The following DAAM2 variants were observed in gnomAD, a reference collection of about 807,000 sequenced individuals.
DAAM2 encodes the protein disheveled-associated activator of morphogenesis 2.
A neutral mutation model predicts 120.7 loss-of-function variants in DAAM2; 39 were observed. The observed-to-expected ratio is 0.32, with a 90% CI of 0.25 to 0.42. The LOEUF (loss-of-function observed/expected upper bound fraction) is 0.42. Among genes scored for constraint, DAAM2 ranks in the 10% least tolerant of loss-of-function variants. The pLI, the probability that DAAM2 is intolerant of heterozygous loss-of-function variation, is 1.00. For missense variants in DAAM2, 1,283 were observed against 1,401.7 expected (o/e 0.92, Z 1.35); for synonymous variants, 488 against 524.9 (o/e 0.93, Z 0.96).
chr6:39,824,750 G>T (rs183617422), intron 1 of DAAM2, among the ~76,000 whole-genome samples: 2 of 152,174 alleles, frequency 1.3e-5, no homozygotes, highest in South Asian at 4.1e-4. Flanking sequence ...GCAAGAGCAG[G>T]TTCCGCGGAA....
intron 7 of DAAM2, among the ~76,000 whole-genome samples, chr6:39,869,571 C>G (rs1357471532): frequency 6.6e-6 from 1 of 151,880 alleles, no homozygotes; most frequent in African/African-American, 2.4e-5. Context: ...GCCTAGGGGA[C>G]AAGAGCAAAA....
chr6:39,900,354 ACAAGCAATGATAACCACATACCG>A, intron 23 of DAAM2, 146 bp downstream of exon 23: 1 of 888,816 alleles, frequency 1.1e-6, no homozygotes, highest in Non-Finnish European at 1.7e-6. Flanking sequence ...TCTTAACAAG[ACAAGCAATGATAACCACATACCG>A]CAAAGATCAT....
At chr6:39,870,902 C>T (rs1321323891) in intron 8 of DAAM2, among the ~76,000 whole-genome samples, 1 of 152,124 alleles carries the variant, frequency 6.6e-6, no homozygotes, top group Non-Finnish European at 1.5e-5. Context: ...CCAGTGAGGC[C>T]CCTCTGGTTC....
chr6:39,838,563 G>A (rs549980497), intron 1 of DAAM2, among the ~76,000 whole-genome samples: 77 of 152,308 alleles, frequency 5.1e-4, no homozygotes, highest in African/African-American at 1.8e-3. Flanking sequence ...AGTGTCACCT[G>A]GAGAGATTTT....
At chr6:39,891,079 T>G (rs1765681124) in intron 17 of DAAM2, among the ~76,000 whole-genome samples, 2 of 137,434 alleles carry the variant, frequency 1.5e-5, no homozygotes, top group Non-Finnish European at 1.6e-5. Context: ...ATTGACAGAG[T>G]GAGACCCTAT....
At chr6:39,844,499 G>A (rs754090800) in intron 1 of DAAM2, among the ~76,000 whole-genome samples, 16 of 152,006 alleles carry the variant, frequency 1.1e-4, no homozygotes, top group Non-Finnish European at 1.0e-4. Context: ...GGTCCTCATC[G>A]GTCAAAAATT....
intron 1 of DAAM2, among the ~76,000 whole-genome samples, chr6:39,842,196 T>C (rs1349459878): frequency 6.6e-6 from 1 of 152,134 alleles, no homozygotes; most frequent in Admixed American, 6.6e-5. Flanking sequence ...CCACTCTGCC[T>C]CTCCCCACAC....
At chr6:39,818,619 A>G (rs1256185683) in intron 1 of DAAM2, 1 of 152,166 alleles carries the variant, frequency 6.6e-6, no homozygotes, top group Non-Finnish European at 1.5e-5. Flanking sequence ...GTTACTGAAC[A>G]TCGTCCTGTT....
At chr6:39,875,917 C>T (rs943905279) in intron 11 of DAAM2, among the ~76,000 whole-genome samples, 1 of 152,196 alleles carries the variant, frequency 6.6e-6, no homozygotes, top group South Asian at 2.1e-4. Flanking sequence ...TCCAGTCCTC[C>T]AGCTTATTGT....
At chr6:39,842,846 G>A (rs977817959) in intron 1 of DAAM2, among the ~76,000 whole-genome samples, 2 of 152,008 alleles carry the variant, frequency 1.3e-5, no homozygotes, top group Middle Eastern at 6.8e-3. Context: ...GGAGGAAGCA[G>A]GGGAGGTGGG....
chr6:39,866,427 T>C (rs1213492487), intron 5 of DAAM2, among the ~76,000 whole-genome samples: 1 of 152,222 alleles, frequency 6.6e-6, no homozygotes, highest in African/African-American at 2.4e-5. Flanking sequence ...TCTAGGCGTA[T>C]TTGTACAATA....
chr6:39,862,203 G>A (rs1277314323), intron 3 of DAAM2: 3 of 152,228 alleles, frequency 2.0e-5, no homozygotes, highest in African/African-American at 7.2e-5. Flanking sequence ...TGAGACTGCT[G>A]GGGAAAATAG....
chr6:39,864,548 AGGCTAC>A, intron 4 of DAAM2, 41 bp downstream of exon 4: 1 of 1,531,620 alleles, frequency 6.5e-7, no homozygotes, highest in South Asian at 1.2e-5. Context: ...CCACCTGGAA[AGGCTAC>A]GGCAGGGAGT....
chr6:39,827,542 C>T (rs774495483), intron 1 of DAAM2, among the ~76,000 whole-genome samples: 2 of 152,140 alleles, frequency 1.3e-5, no homozygotes, highest in Admixed American at 6.5e-5. Flanking sequence ...CCCTCACTCA[C>T]GCCTTGGCTC....
chr6:39,901,900 G>C lies in DAAM2; in HGVS notation c.3070G>C (p.Asp1024His), dbSNP rs953625962. 6.2e-7 allele frequency: 1 copy of C among 1,605,718 alleles called. No individual in the cohort carries two copies. Among genetic ancestry groups the C allele is most frequent in the Non-Finnish European group, 8.5e-7 (1 of 1,174,022 alleles). The change falls in exon 25 of 25, where the codon GAT (aspartate) becomes CAT (histidine). Residue 1024 changes from aspartate to histidine, a missense_variant. Coordinates refer to ENST00000274867, the MANE Select transcript of DAAM2 (RefSeq NM_001201427.2). The surrounding 1 kb of genome is among the most constrained non-coding windows in gnomAD (Gnocchi z 4.5). ...CTCGCTGGAGGAGGGAGGAGAGTTC[G>C]ATGACCTGGTGTCGGCCCTGCGCTC... is the stretch of plus-strand genomic sequence containing the variant. ...GSSLEEGGEF[D>H]DLVSALRSGE...
chr6:39,870,581 G>T, intron 8 of DAAM2, 138 bp downstream of exon 8: 2 of 653,880 alleles, frequency 3.1e-6, no homozygotes, highest in African/African-American at 1.8e-5. Context: ...AATCAGCTCT[G>T]TGGGGGGAAG....
intron 18 of DAAM2, 42 bp from the exon 19 acceptor site, chr6:39,891,592 T>C: frequency 6.3e-7 from 1 of 1,580,602 alleles, no homozygotes; most frequent in Middle Eastern, 1.7e-4. Flanking sequence ...CTGGCCAGGA[T>C]AGGGGTGGGA....
At chr6:39,888,903 T>G (rs928891508) in intron 17 of DAAM2, 140 bp downstream of exon 17, 5 of 507,608 alleles carry the variant, frequency 9.9e-6, no homozygotes, top group African/African-American at 9.5e-5. Context: ...TATAGAAGCC[T>G]CCCTGGGCCA....
Position 39,901,899 on chromosome 6 carries a change from C to T in DAAM2, c.3069C>T (p.Phe1023=), listed in dbSNP as rs555789856. The T allele has an allele frequency of 1.5e-5, 24 of 1,605,180 alleles. No individual in the cohort carries two copies. The highest frequency in any genetic ancestry group is 7.7e-5 in the South Asian group (7 of 90,478). Residue 1023 remains phenylalanine (F), a synonymous_variant, in exon 25 of 25, where the codon TTC becomes TTT. Transcript: ENST00000274867. The surrounding 1 kb of genome is among the most constrained non-coding windows in gnomAD (Gnocchi z 4.5). ...GCTCGCTGGAGGAGGGAGGAGAGTT[C>T]GATGACCTGGTGTCGGCCCTGCGCT... ...AGSSLEEGGE[F]DDLVSALRSG...
Sources: allele counts gnomAD v4.1 joint callset (sites outside exome capture counted in the v4.1 genomes callset), GRCh38; gene constraint gnomAD v4.1.1; non-coding constraint Gnocchi (gnomAD v3.1); transcripts MANE v1.5; gene names NCBI Gene and HGNC (gene_info 2026-07-23, HGNC 2026-07-21).